The following BZW2 variants were observed in gnomAD, a reference collection of about 807,000 sequenced individuals.
The protein encoded by BZW2 is basic leucine zipper and W2 domains 2, also known as eIF5-mimic protein 1.
A neutral mutation model predicts 53.2 loss-of-function variants in BZW2; 23 were observed. The ratio of observed to expected loss-of-function variants is 0.43; its 90% CI spans 0.31 to 0.61. The LOEUF (loss-of-function observed/expected upper bound fraction) is 0.61. Among genes scored for constraint, BZW2 ranks in the 20% least tolerant of loss-of-function variants. The pLI, the probability that BZW2 is intolerant of heterozygous loss-of-function variation, is 0.09. For synonymous variants in BZW2, 227 were observed against 186.4 expected, an observed-to-expected ratio of 1.22 and a Z score of -1.77; for missense variants, 409 against 503.1, an observed-to-expected ratio of 0.81 and a Z score of 1.79.
intron 10 of BZW2, among the ~76,000 whole-genome samples, chr7:16,702,281 G>A (rs1583758128): frequency 2.0e-5 from 3 of 151,882 alleles, no homozygotes; most frequent in African/African-American, 7.3e-5. Flanking sequence ...TAAACTCTTC[G>A]ATGTTCATAC....
chr7:16,697,187 T>C, intron 9 of BZW2, 126 bp downstream of exon 9: 1 of 1,123,116 alleles, frequency 8.9e-7, no homozygotes, highest in Non-Finnish European at 1.2e-6. Flanking sequence ...ACTCCTGGGC[T>C]CAAGCCACCC....
At chr7:16,673,093 C>T (rs1782656092) in intron 2 of BZW2, among the ~76,000 whole-genome samples, 1 of 152,072 alleles carries the variant, frequency 6.6e-6, no homozygotes, top group Non-Finnish European at 1.5e-5. Flanking sequence ...CTAACAGGGG[C>T]CCGCCACCAC....
chr7:16,653,334 T>A (rs889008364), intron 1 of BZW2, among the ~76,000 whole-genome samples: 1 of 152,212 alleles, frequency 6.6e-6, no homozygotes, highest in Admixed American at 6.5e-5. Context: ...TTAAAAATCC[T>A]CTGAAGAGAG....
At chr7:16,655,416 A>T (rs1028123811) in intron 1 of BZW2, among the ~76,000 whole-genome samples, 4 of 152,294 alleles carry the variant, frequency 2.6e-5, no homozygotes, top group African/African-American at 9.6e-5. Context: ...AATTTTTCAT[A>T]TGTGGGGTAC....
At chr7:16,686,330 G>A (rs890065451) in intron 6 of BZW2, 12 of 306,848 alleles carry the variant, frequency 3.9e-5, no homozygotes, top group Non-Finnish European at 6.8e-5. Flanking sequence ...CAAATACCCC[G>A]AAATCGATCT....
intron 11 of BZW2, among the ~76,000 whole-genome samples, chr7:16,705,508 A>G (rs1783821587): frequency 6.6e-6 from 1 of 151,872 alleles, no homozygotes; most frequent in Non-Finnish European, 1.5e-5. Context: ...ACACAGTGAA[A>G]CCGTGTCTCT....
Position 16,696,968 on chromosome 7 carries a change from A to T in BZW2, c.876A>T (p.Ala292=), listed in dbSNP as rs754394885. The change falls in exon 9 of 12, where the codon GCA becomes GCT. Residue 292 remains alanine (A), a synonymous_variant. Coordinates refer to ENST00000258761, the MANE Select transcript of BZW2 (RefSeq NM_014038.3). ...EMKRNDLPET[A]VIGLLWTCIM... ...AGAGGAATGATCTTCCAGAAACAGC[A>T]GTGATTGGTCTTCTGTGGACATGTA... The T allele has an allele frequency of 1.9e-5, 31 of 1,614,038 alleles. 1 individual carries two copies. In the Middle Eastern group the frequency reaches 4.9e-4, roughly 26 times the overall value.
Position 16,646,183 on chromosome 7 carries a change from T to A in BZW2, c.-113T>A. 3.1e-6 allele frequency: 1 copy of A among 319,694 alleles called. No individual in the cohort carries two copies. Among genetic ancestry groups the A allele is most frequent in the South Asian group, 2.4e-5 (1 of 42,438 alleles). 19.8% of individuals were successfully genotyped at this position (319,694 alleles called of 1,614,324 possible). A position where few individuals can be genotyped will look rare whatever the true frequency, so the allele number is the denominator to read the frequency against. Reference sequence around the variant, plus strand: ...CTATGTCAATGTGTCTGTCCTTCACTCCTCCATTGTCTGCCGCCACTGCTG... The same window carrying A: ...CTATGTCAATGTGTCTGTCCTTCACACCTCCATTGTCTGCCGCCACTGCTG... On this transcript the variant is annotated 5_prime_UTR_variant, in exon 1 of 12. Coordinates refer to ENST00000258761, the MANE Select transcript of BZW2 (RefSeq NM_014038.3).
chr7:16,675,458 T>A (rs1782735983), intron 3 of BZW2, among the ~76,000 whole-genome samples: 1 of 152,230 alleles, frequency 6.6e-6, no homozygotes, highest in Admixed American at 6.5e-5. Flanking sequence ...AAAACACTGC[T>A]TAAGCCAGCC....
intron 3 of BZW2, among the ~76,000 whole-genome samples, chr7:16,680,246 T>C (rs986892948): frequency 1.8e-4 from 27 of 152,238 alleles, no homozygotes; most frequent in African/African-American, 6.3e-4. Flanking sequence ...ACTTGCAAAA[T>C]GTTAGCAAGC....
chr7:16,663,975 T>G (rs758170433), intron 1 of BZW2, among the ~76,000 whole-genome samples: 2 of 152,156 alleles, frequency 1.3e-5, no homozygotes, highest in African/African-American at 4.8e-5. Flanking sequence ...ACCAAAAAGA[T>G]AAAAAATCTA....
chr7:16,666,260 A>G lies in BZW2; in HGVS notation c.58+759A>G, dbSNP rs529609553. ...TAGGTGCACACCACCACACCTGGCT[A>G]CGTTTTAAAAAAATTTTTTTGTAGA... On this transcript the variant is annotated intron_variant, in intron 2 of 11. Coordinates refer to ENST00000258761, the MANE Select transcript of BZW2 (RefSeq NM_014038.3). Among the ~76,000 whole-genome samples the G allele has an allele frequency of 4.3e-4, 66 of 151,968 alleles. No individual in the cohort carries two copies. The Middle Eastern group carries it at 0.01, about 23-fold the overall frequency.
At chr7:16,661,011 T>C (rs1782244917) in intron 1 of BZW2, among the ~76,000 whole-genome samples, 1 of 152,094 alleles carries the variant, frequency 6.6e-6, no homozygotes, top group Non-Finnish European at 1.5e-5. Context: ...TCAGAGAGAG[T>C]AAAATATTTT....
At chr7:16,659,289 T>C (rs575761253) in intron 1 of BZW2, among the ~76,000 whole-genome samples, 1 of 152,282 alleles carries the variant, frequency 6.6e-6, no homozygotes, top group African/African-American at 2.4e-5. Context: ...ACTTTCATAG[T>C]ATTTGTTAGT....
chr7:16,681,389 C>T lies in BZW2; in HGVS notation c.324C>T (p.Ile108=). The change falls in exon 4 of 12, where the codon ATC becomes ATT. Residue 108 remains isoleucine, a synonymous_variant. Transcript: ENST00000258761. ...CAGCAAATGAAGATCATGAAACCAT[C>T]CGAAACTATGCTCAGGTAGAGCCTG... The part of the protein sequence containing the change: ...VFSANEDHET[I]RNYAQVFNKL... 1.2e-6 allele frequency: 2 copies of T among 1,613,838 alleles called. No individual in the cohort carries two copies. The highest frequency in any genetic ancestry group is 1.7e-6 in the Non-Finnish European group (2 of 1,179,788).
chr7:16,669,812 C>T (rs375707437), intron 2 of BZW2, among the ~76,000 whole-genome samples: 1 of 152,186 alleles, frequency 6.6e-6, no homozygotes, highest in East Asian at 1.9e-4. Flanking sequence ...TTATGATTCA[C>T]CAGCACAGTT....
intron 1 of BZW2, among the ~76,000 whole-genome samples, chr7:16,655,745 T>C (rs1037051329): frequency 5.9e-5 from 9 of 152,050 alleles, no homozygotes; most frequent in African/African-American, 9.7e-5. Context: ...TTTTTTAGAT[T>C]CTACATGAGT....
In BZW2 at chr7:16,674,395, G is replaced by C; in HGVS notation, c.59-17G>C. 1 of 1,534,686 alleles carries C rather than the reference G, an allele frequency of 6.5e-7. No individual in the cohort carries two copies. ...TATTTATTTATTTGACTGTTATTTT[G>C]AATTGTTTTATTTTAGATGAAAAAG... On this transcript the variant is annotated splice_polypyrimidine_tract_variant and intron_variant, in intron 2 of 11. Coordinates refer to ENST00000258761, the MANE Select transcript of BZW2 (RefSeq NM_014038.3).
chr7:16,670,760 C>A (rs967041225), intron 2 of BZW2, among the ~76,000 whole-genome samples: 7 of 152,178 alleles, frequency 4.6e-5, no homozygotes, highest in Non-Finnish European at 7.3e-5. Flanking sequence ...CTCTACACAA[C>A]AAGACCCTAA....
Sources: allele counts gnomAD v4.1 joint callset (sites outside exome capture counted in the v4.1 genomes callset), GRCh38; gene constraint gnomAD v4.1.1; transcripts MANE v1.5; gene names NCBI Gene and HGNC (gene_info 2026-07-23, HGNC 2026-07-21).